NECAB1: variants seen among roughly 807,000 people sequenced by gnomAD.
NECAB1 encodes the protein N-terminal EF-hand calcium binding protein 1.
Under a neutral mutation model 57.5 loss-of-function variants are expected in NECAB1, and 29 were observed. The observed-to-expected ratio is 0.50, with a 90% CI of 0.38 to 0.69. NECAB1 has a LOEUF of 0.69. Ranked by LOEUF, NECAB1 falls within the 30% of genes least tolerant of loss-of-function variation. The pLI is 0.00. For synonymous variants in NECAB1, 142 were observed against 147.7 expected, an observed-to-expected ratio of 0.96 and a Z score of 0.28; for missense variants, 372 against 413.8, an observed-to-expected ratio of 0.90 and a Z score of 0.88.
chr8:90,917,132 G>C (rs991724918), intron 5 of NECAB1, among the ~76,000 whole-genome samples: 3 of 152,096 alleles, frequency 2.0e-5, no homozygotes, highest in African/African-American at 4.8e-5. Flanking sequence ...ATGAGACATA[G>C]AACAAACCCT....
intron 9 of NECAB1, among the ~76,000 whole-genome samples, chr8:90,936,805 A>AT (rs112229787): frequency 3.4e-4 from 50 of 146,106 alleles, no homozygotes; most frequent in Middle Eastern, 3.5e-3. Context: ...TTTTAAGTCC[A>AT]TTTTTTTTTT....
intron 9 of NECAB1, among the ~76,000 whole-genome samples, chr8:90,938,735 G>A (rs1810600232): frequency 2.0e-5 from 3 of 152,216 alleles, no homozygotes; most frequent in South Asian, 2.1e-4. Context: ...CCCAATCTAG[G>A]AAGCCGAGAG....
intron 1 of NECAB1, among the ~76,000 whole-genome samples, chr8:90,797,535 G>T (rs1389777775): frequency 1.3e-5 from 2 of 152,130 alleles, no homozygotes; most frequent in African/African-American, 4.8e-5. Flanking sequence ...TATAAGAGTA[G>T]CTCTGGTTAT....
intron 8 of NECAB1, 82 bp downstream of exon 8, chr8:90,928,381 A>G: frequency 1.0e-6 from 1 of 991,376 alleles, no homozygotes. Flanking sequence ...TATATCCATG[A>G]CTGCCCCATA....
At chr8:90,931,550 A>C (rs1265812843) in intron 8 of NECAB1, among the ~76,000 whole-genome samples, 2 of 152,200 alleles carry the variant, frequency 1.3e-5, no homozygotes, top group South Asian at 2.1e-4. Context: ...TTCAGCCTCC[A>C]TGAGAATTTA....
intron 6 of NECAB1, among the ~76,000 whole-genome samples, chr8:90,918,098 C>T (rs929393853): frequency 6.6e-6 from 1 of 150,390 alleles, no homozygotes; most frequent in Non-Finnish European, 1.5e-5. Context: ...CAAACTCTGC[C>T]TCCCGGGTTC....
chr8:90,953,588 T>C (rs1810960271), intron 12 of NECAB1, among the ~76,000 whole-genome samples: 1 of 152,196 alleles, frequency 6.6e-6, no homozygotes, highest in African/African-American at 2.4e-5. Context: ...ACCTACAACA[T>C]TTTGACATTT....
intron 3 of NECAB1, among the ~76,000 whole-genome samples, chr8:90,869,250 G>T (rs949806822): frequency 6.6e-6 from 1 of 152,248 alleles, no homozygotes; most frequent in Admixed American, 6.5e-5. Flanking sequence ...CCCTCATGGA[G>T]AATCTCTACT....
At chr8:90,920,053 G>A (rs1793662831) in intron 6 of NECAB1, among the ~76,000 whole-genome samples, 1 of 152,144 alleles carries the variant, frequency 6.6e-6, no homozygotes, top group African/African-American at 2.4e-5. Context: ...TGACAATATA[G>A]ACTTTAAGGA....
At chr8:90,937,272 G>A (rs543031616) in intron 9 of NECAB1, among the ~76,000 whole-genome samples, 3 of 152,222 alleles carry the variant, frequency 2.0e-5, no homozygotes, top group African/African-American at 7.2e-5. Context: ...ATAGGGTCTG[G>A]AAATAAAGTG....
At chr8:90,903,837 G>A (rs565309245) in intron 5 of NECAB1, 4 of 152,146 alleles carry the variant, frequency 2.6e-5, no homozygotes, top group South Asian at 2.1e-4. Context: ...AGTAGGAAGT[G>A]GCTTTAATTC....
chr8:90,868,573 G>C, intron 3 of NECAB1, among the ~76,000 whole-genome samples: 1 of 152,196 alleles, frequency 6.6e-6, no homozygotes, highest in East Asian at 1.9e-4. Context: ...CTAAGGATCT[G>C]TGGAACTTTG....
chr8:90,897,387 G>C lies in NECAB1; in HGVS notation c.357+16257G>C, dbSNP rs1809381967. 2.0e-5 allele frequency among the ~76,000 whole-genome samples: 3 copies of C among 152,158 alleles called. No individual in the cohort carries two copies. The South Asian group carries it at 6.2e-4, about 32-fold the overall frequency. Reference sequence around the variant, plus strand: ...CAAAACTACCAATATGGTCATTACAGGGTACTGCTCTAGACCCTGCTGTGG... The same window carrying C: ...CAAAACTACCAATATGGTCATTACACGGTACTGCTCTAGACCCTGCTGTGG... On this transcript the variant is annotated intron_variant, in intron 5 of 12. Transcript: ENST00000417640.
chr8:90,864,251 G>A (rs1423025219), intron 3 of NECAB1, among the ~76,000 whole-genome samples: 1 of 147,124 alleles, frequency 6.8e-6, no homozygotes, highest in Non-Finnish European at 1.5e-5. Context: ...GGTAGAGAAG[G>A]AAATGGATAA....
intron 2 of NECAB1, among the ~76,000 whole-genome samples, chr8:90,818,614 C>A (rs1812094779): frequency 6.6e-6 from 1 of 152,016 alleles, no homozygotes; most frequent in Non-Finnish European, 1.5e-5. Flanking sequence ...CCTTAGCCCT[C>A]TATAGCAGAG....
At chr8:90,878,375 G>A (rs1487762924) in intron 4 of NECAB1, among the ~76,000 whole-genome samples, 3 of 152,110 alleles carry the variant, frequency 2.0e-5, no homozygotes, top group African/African-American at 7.2e-5. Flanking sequence ...GTGAACACTC[G>A]CTATGATGAA....
At chr8:90,952,813 A>G (rs1217799300) in intron 12 of NECAB1, among the ~76,000 whole-genome samples, 2 of 151,932 alleles carry the variant, frequency 1.3e-5, no homozygotes, top group Non-Finnish European at 2.9e-5. Context: ...ATAAAATAAA[A>G]TAAAATAGGG....
At chr8:90,858,267 G>A (rs994357972) in intron 3 of NECAB1, among the ~76,000 whole-genome samples, 4 of 152,150 alleles carry the variant, frequency 2.6e-5, no homozygotes, top group Non-Finnish European at 5.9e-5. Flanking sequence ...ACTGAAGCCT[G>A]TTGCCAACTG....
chr8:90,952,952 C>T (rs1197112803), intron 12 of NECAB1, among the ~76,000 whole-genome samples: 3 of 152,152 alleles, frequency 2.0e-5, no homozygotes, highest in East Asian at 1.9e-4. Context: ...TACTATAGTA[C>T]AGTATATGGC....
Sources: allele counts gnomAD v4.1 joint callset (sites outside exome capture counted in the v4.1 genomes callset), GRCh38; gene constraint gnomAD v4.1.1; transcripts MANE v1.5; gene names NCBI Gene and HGNC (gene_info 2026-07-23, HGNC 2026-07-21).